Variants in GLCE observed in about 807,000 individuals in gnomAD.
GLCE encodes glucuronic acid epimerase, also known as D-glucuronyl C5-epimerase.
In GLCE, 19 loss-of-function variants were observed where a neutral mutation model predicts 47.9. The ratio of observed to expected loss-of-function variants is 0.40; its 90% CI spans 0.28 to 0.58. The LOEUF is 0.58. Ranked by LOEUF, GLCE falls within the 20% of genes least tolerant of loss-of-function variation. GLCE has a pLI of 0.48. For synonymous variants in GLCE, 245 were observed against 263.4 expected (o/e 0.93, Z 0.68); for missense variants, 556 against 743.3 (o/e 0.75, Z 2.93).
Position 69,268,637 on chromosome 15 carries a change from A to C in GLCE, c.1247A>C (p.Gln416Pro), listed in dbSNP as rs1281080686. ...FAASDWLVRN[Q>P]DEKGGWPIMV... is the part of the protein sequence containing the mutation. ...GCTAGTGATTGGCTAGTAAGGAACC[A>C]GGATGAGAAAGGTGGCTGGCCAATT... Residue 416 changes from glutamine to proline, a missense_variant, in exon 5 of 5, where the codon CAG becomes CCG. Physicochemically the swap from Gln to Pro is moderately conservative, Grantham distance 76. Coordinates refer to ENST00000261858, the MANE Select transcript of GLCE (RefSeq NM_015554.3). The C allele has an allele frequency of 6.2e-7, 1 of 1,614,214 alleles. No homozygotes were observed. Among genetic ancestry groups the C allele is most frequent in the Non-Finnish European group, 8.5e-7 (1 of 1,180,026 alleles).
At chr15:69,218,373 G>C (rs1167040301) in intron 2 of GLCE, among the ~76,000 whole-genome samples, 1 of 151,998 alleles carries the variant, frequency 6.6e-6, no homozygotes, top group Non-Finnish European at 1.5e-5. Context: ...AATTGGCTGG[G>C]TGTAGTGGTG....
rs373962707 is a variant in GLCE, at chr15:69,186,670, A to G, written c.-104-23646A>G. ...TTTTTTGAAAGTAGATGCTTAATGA[A>G]TAGTTAGCTACTAGTTAGTATATCC... On this transcript the variant is annotated intron_variant, in intron 1 of 4. Coordinates refer to ENST00000261858, the MANE Select transcript of GLCE (RefSeq NM_015554.3). Among the ~76,000 whole-genome samples, 36 of 152,300 alleles carry G rather than the reference A, an allele frequency of 2.4e-4. 1 individual carries two copies. In the South Asian group the frequency reaches 7.3e-3, roughly 31 times the overall value.
chr15:69,269,158 A>G lies in GLCE; in HGVS notation c.1768A>G (p.Ser590Gly). ...CCACATCAATCAGTTGCAGCTACTC[A>G]GTACCATTGATGAGTCCCCAGTCTT... is the stretch of plus-strand genomic sequence containing the variant. Reference protein sequence around the residue: ...TTHINQLQLLSTIDESPVFKE... With the variant: ...TTHINQLQLLGTIDESPVFKE... The change falls in exon 5 of 5, where the codon AGT (serine) becomes GGT (glycine). Residue 590 changes from serine to glycine, a missense_variant. Around this residue, in one of 3 missense-constraint regions of GLCE, gnomAD observed 245 missense variants for 368.1 expected, o/e 0.67. Coordinates refer to ENST00000261858, the MANE Select transcript of GLCE (RefSeq NM_015554.3). The G allele has an allele frequency of 6.2e-7, 1 of 1,613,534 alleles. No individual in the cohort carries two copies. Among genetic ancestry groups the G allele is most frequent in the Non-Finnish European group, 8.5e-7 (1 of 1,179,466 alleles).
At chr15:69,187,008 G>C (rs8027933) in intron 1 of GLCE, among the ~76,000 whole-genome samples, 5,437 of 152,192 alleles carry the variant, frequency 0.036, 351 homozygotes, top group African/African-American at 0.12. Flanking sequence ...TTCATATTTG[G>C]AGTAGAATGA....
intron 1 of GLCE, among the ~76,000 whole-genome samples, chr15:69,187,896 C>G (rs1028548926): frequency 2.1e-4 from 32 of 152,026 alleles, no homozygotes; most frequent in African/African-American, 7.5e-4. Flanking sequence ...AACCCCGTCT[C>G]TACTAAAAAT....
At chr15:69,228,262 C>G (rs1045574989) in intron 2 of GLCE, among the ~76,000 whole-genome samples, 12 of 152,020 alleles carry the variant, frequency 7.9e-5, no homozygotes, top group African/African-American at 2.9e-4. Context: ...TATAGATGAA[C>G]TATATTAATT....
chr15:69,214,584 A>T (rs2052278755), intron 2 of GLCE, among the ~76,000 whole-genome samples: 1 of 152,140 alleles, frequency 6.6e-6, no homozygotes, highest in African/African-American at 2.4e-5. Context: ...AGTTCTTTAT[A>T]ATAGTGTGAA....
At chr15:69,219,277 A>C (rs2052348748) in intron 2 of GLCE, among the ~76,000 whole-genome samples, 1 of 152,130 alleles carries the variant, frequency 6.6e-6, no homozygotes, top group Admixed American at 6.5e-5. Flanking sequence ...TTCAAGGATA[A>C]TGAAATTGTA....
intron 1 of GLCE, among the ~76,000 whole-genome samples, chr15:69,167,446 C>G (rs1401789470): frequency 2.0e-5 from 3 of 152,316 alleles, no homozygotes; most frequent in Non-Finnish European, 4.4e-5. Context: ...ATCTTGGCTC[C>G]TTTCCTTCCT....
chr15:69,196,542 A>G (rs2051995064), intron 1 of GLCE: 1 of 187,040 alleles, frequency 5.3e-6, no homozygotes, highest in Non-Finnish European at 1.1e-5. Context: ...ATTGCTAACA[A>G]AGGTACAGTG....
intron 2 of GLCE, among the ~76,000 whole-genome samples, chr15:69,226,671 C>T (rs1012625848): frequency 2.0e-5 from 3 of 150,130 alleles, no homozygotes; most frequent in Non-Finnish European, 2.9e-5. Context: ...ATCCCTGATC[C>T]ATAAATCAGG....
rs559812978 is a variant in GLCE at position 69,231,433 on chromosome 15, G to A, written c.-14+21027G>A. 4.0e-5 allele frequency among the ~76,000 whole-genome samples: 6 copies of A among 151,810 alleles called. No individual in the cohort carries two copies. In the South Asian group the frequency reaches 8.4e-4, roughly 21 times the overall value. On this transcript the variant is annotated intron_variant, in intron 2 of 4. Transcript: ENST00000261858. The stretch of plus-strand genomic sequence containing the variant: ...CAAGTTGCTGGGACTACAGGCGCCC[G>A]CCACCATGCCCGGCTAATTTTTTGT...
At chr15:69,221,872 A>C (rs1030003497) in intron 2 of GLCE, among the ~76,000 whole-genome samples, 1 of 151,906 alleles carries the variant, frequency 6.6e-6, no homozygotes, top group African/African-American at 2.4e-5. Flanking sequence ...CAAAAAAAAA[A>C]AAAAAAAAAA....
rs568790567 is a variant in GLCE, at chr15:69,198,677, T to G, written c.-104-11639T>G. ...AGCAAGAAGCACATCACAATTTTTA[T>G]AACCTAATCACAGAAGTGACTTCCC... On this transcript the variant is annotated intron_variant, in intron 1 of 4. Coordinates refer to ENST00000261858, the MANE Select transcript of GLCE (RefSeq NM_015554.3). 4.6e-5 allele frequency among the ~76,000 whole-genome samples: 7 copies of G among 152,272 alleles called. No homozygotes were observed. In the South Asian group the frequency reaches 1.4e-3, roughly 32 times the overall value.
At chr15:69,201,569 A>G (rs367898956) in intron 1 of GLCE, among the ~76,000 whole-genome samples, 2 of 150,042 alleles carry the variant, frequency 1.3e-5, no homozygotes, top group Non-Finnish European at 3.0e-5. Flanking sequence ...AGCCAGTACT[A>G]GTGTTCTTTG....
chr15:69,234,434 G>C (rs972833490), intron 2 of GLCE, among the ~76,000 whole-genome samples: 7 of 151,944 alleles, frequency 4.6e-5, no homozygotes, highest in Admixed American at 1.3e-4. Context: ...TGTAATTCAG[G>C]TTTTACCTTT....
At chr15:69,204,419 A>G (rs887145764) in intron 1 of GLCE, among the ~76,000 whole-genome samples, 8 of 150,668 alleles carry the variant, frequency 5.3e-5, no homozygotes, top group African/African-American at 1.7e-4. Context: ...AGTAGCTGGG[A>G]TTACAGGCGT....
intron 3 of GLCE, 132 bp from the exon 4 acceptor site, chr15:69,260,955 G>A (rs1213938199): frequency 1.3e-6 from 1 of 764,388 alleles, no homozygotes; most frequent in Non-Finnish European, 2.1e-6. Context: ...TATGAGAGCA[G>A]TATTATAAGG....
At chr15:69,257,045 G>T in intron 3 of GLCE, among the ~76,000 whole-genome samples, 1 of 152,112 alleles carries the variant, frequency 6.6e-6, no homozygotes, top group Non-Finnish European at 1.5e-5. Flanking sequence ...CTTGGTTTGG[G>T]TTTTACTTTC....
Sources: gnomAD v4.1 joint callset for allele counts (sites outside exome capture counted in the v4.1 genomes callset) on GRCh38, gnomAD v4.1.1 for gene constraint, gnomAD v4.1.1 regional missense constraint, MANE v1.5 for transcripts, NCBI Gene and HGNC (gene_info 2026-07-23, HGNC 2026-07-21) for gene names.